The following TRMT5 variants were observed in gnomAD, a reference collection of about 807,000 sequenced individuals.
TRMT5 encodes tRNA (guanine(37)-N(1))-methyltransferase.
In TRMT5, 31 loss-of-function variants were observed where a neutral mutation model predicts 42.2. That is an observed-to-expected ratio of 0.73 (90% CI 0.55 to 0.99). The LOEUF is 0.99. Among genes scored for constraint, TRMT5 ranks in the 50% least tolerant of loss-of-function variants. The pLI, the probability that TRMT5 is intolerant of heterozygous loss-of-function variation, is 0.00. For synonymous variants in TRMT5, 198 were observed against 209.6 expected, an observed-to-expected ratio of 0.94 and a Z score of 0.48; for missense variants, 568 against 595.0, an observed-to-expected ratio of 0.95 and a Z score of 0.47.
chr14:60,978,199 A>G (rs183796342), intron 2 of TRMT5, among the ~76,000 whole-genome samples: 2 of 152,342 alleles, frequency 1.3e-5, no homozygotes, highest in East Asian at 3.9e-4. Flanking sequence ...TTCAGAGCAA[A>G]AAAAGCTACA....
upstream of TRMT5, chr14:60,981,320 T>A (rs746371479): frequency 5.6e-6 from 9 of 1,610,508 alleles, no homozygotes; most frequent in African/African-American, 1.3e-5. Flanking sequence ...GCGGGGCTGG[T>A]ATGTCTCTGT....
At position 60,979,712 on chromosome 14, in the gene TRMT5, T is replaced by C; in HGVS notation, c.186A>G (p.Glu62=). The C allele has an allele frequency of 3.1e-6, 5 of 1,614,156 alleles. No homozygotes were observed. The highest frequency in any genetic ancestry group is 4.2e-6 in the Non-Finnish European group (5 of 1,180,014). ...GQRKRFSTMP[E]TETHERETEL... ...CAGTCTCTCTCTCATGTGTTTCTGT[T>C]TCTGGCATGGTTGAGAATCTTTTTC... is the stretch of plus-strand genomic sequence containing the variant. Residue 62 remains glutamate, a synonymous_variant, in exon 2 of 5, where the codon GAA becomes GAG. Coordinates refer to ENST00000261249, the MANE Select transcript of TRMT5 (RefSeq NM_020810.3).
At position 60,979,844 on chromosome 14, in the gene TRMT5, T is replaced by C. The variant is rs1233050880; in HGVS notation, c.54A>G (p.Lys18=). The change falls in exon 2 of 5, where the codon AAA becomes AAG. Residue 18 remains lysine (K), a synonymous_variant. Transcript: ENST00000261249. ...ATTCAGTTATGCTATGGCTTTCCAG[T>C]TTCAGAAATCTTCCTGAGAATCCAA... ...RPFGFSGRFL[K]LESHSITESK... The C allele has an allele frequency of 6.3e-7, 1 of 1,596,944 alleles. No individual in the cohort carries two copies. Among genetic ancestry groups the C allele is most frequent in the Non-Finnish European group, 8.5e-7 (1 of 1,171,440 alleles).
intron 1 of TRMT5, chr14:60,980,761 C>T (rs1041387415): frequency 9.5e-6 from 7 of 735,060 alleles, no homozygotes; most frequent in African/African-American, 1.8e-5. Flanking sequence ...TACTATAAGT[C>T]TCGGTTTTCC....
At position 60,977,769 on chromosome 14, in the gene TRMT5, G is replaced by A. The variant is rs190301006; in HGVS notation, c.668-131C>T. 17 of 795,032 alleles carry A rather than the reference G, an allele frequency of 2.1e-5. No homozygotes were observed. In the East Asian group the frequency reaches 5.3e-4, roughly 25 times the overall value. 49.2% of individuals were successfully genotyped at this position (795,032 alleles called of 1,614,324 possible). A position where few individuals can be genotyped will look rare whatever the true frequency, so the allele number is the denominator to read the frequency against. ...AGACTGCACCTACTGTGTGTAATGT[G>A]GCATGCAATTTAAAAAATTCAACAG... On this transcript the variant is annotated intron_variant, in intron 2 of 4. Coordinates refer to ENST00000261249, the MANE Select transcript of TRMT5 (RefSeq NM_020810.3).
chr14:60,981,531 C>T, upstream of TRMT5: 1 of 1,531,922 alleles, frequency 6.5e-7, no homozygotes. Flanking sequence ...AGGCAGCCGC[C>T]GAGATTCAGA....
rs2036967377 is a variant in TRMT5, at chr14:60,981,019, C to T, written c.-46G>A. 6.2e-7 allele frequency: 1 copy of T among 1,611,216 alleles called. No individual in the cohort carries two copies. On this transcript the variant is annotated 5_prime_UTR_variant, in exon 1 of 5. Transcript: ENST00000261249. Reference sequence around the variant, plus strand: ...TGCAGCTGGATCCGCGAGCCGACCCCTCACCTCCCGCTCCGGTACCGATCG... The same window carrying T: ...TGCAGCTGGATCCGCGAGCCGACCCTTCACCTCCCGCTCCGGTACCGATCG...
upstream of TRMT5, chr14:60,981,404 C>T (rs200337109): frequency 2.4e-5 from 38 of 1,568,658 alleles, no homozygotes; most frequent in East Asian, 8.5e-4. Flanking sequence ...GTGTTCGCTT[C>T]CCCGCGCTGA....
At position 60,979,727 on chromosome 14, in the gene TRMT5, G is replaced by T. The variant is rs978146113; in HGVS notation, c.171C>A (p.Phe57Leu). The change falls in exon 2 of 5, where the codon TTC (phenylalanine) becomes TTA (leucine). Residue 57 changes from phenylalanine (F) to leucine (L), a missense_variant. Coordinates refer to ENST00000261249, the MANE Select transcript of TRMT5 (RefSeq NM_020810.3). ...GIFLLGQRKR[F>L]STMPETETHE... ...GTGTTTCTGTTTCTGGCATGGTTGA[G>T]AATCTTTTTCTTTGACCCAATAAGA... is the stretch of plus-strand genomic sequence containing the variant. The T allele has an allele frequency of 2.5e-6, 4 of 1,613,912 alleles. No individual in the cohort carries two copies. The African/African-American group carries it at 5.3e-5, about 22-fold the overall frequency.
At position 60,976,368 on chromosome 14, in the gene TRMT5, C is replaced by G. The variant is rs117694879; in HGVS notation, c.793-242G>C. Among the ~76,000 whole-genome samples, 166 of 152,290 alleles carry G rather than the reference C, an allele frequency of 1.1e-3. No homozygotes were observed. In the East Asian group the frequency reaches 0.023, roughly 21 times the overall value. ...TGAGAAAAAGTCATCTCTTTAAAGC[C>G]AAATGGCTCTCCATCTCAATCCTAT... On this transcript the variant is annotated intron_variant, in intron 3 of 4. Coordinates refer to ENST00000261249, the MANE Select transcript of TRMT5 (RefSeq NM_020810.3).
chr14:60,977,487 A>C (rs772782510), intron 3 of TRMT5, 27 bp downstream of exon 3: 2 of 1,584,284 alleles, frequency 1.3e-6, no homozygotes, highest in Admixed American at 3.7e-5. Flanking sequence ...ATTGATATAC[A>C]CCTTACTTGG....
rs1269508643 is a variant in TRMT5, at chr14:60,977,692, C to G, written c.668-54G>C. The G allele has an allele frequency of 2.0e-6, 3 of 1,496,964 alleles. No individual in the cohort carries two copies. The African/African-American group carries it at 4.2e-5, about 21-fold the overall frequency. The allele number at this position is 1,496,964 out of a possible 1,614,324, so 92.7% of individuals were successfully genotyped here. On this transcript the variant is annotated intron_variant, in intron 2 of 4. Transcript: ENST00000261249. Reference sequence around the variant, plus strand: ...CTGCCTATTGGTTGCAAAATAAAAGCTAACATTGTTAATATGAAACAGAAA... The same window carrying G: ...CTGCCTATTGGTTGCAAAATAAAAGGTAACATTGTTAATATGAAACAGAAA...
At chr14:60,978,677 T>C (rs2036878337) in intron 2 of TRMT5, among the ~76,000 whole-genome samples, 1 of 152,172 alleles carries the variant, frequency 6.6e-6, no homozygotes, top group South Asian at 2.1e-4. Flanking sequence ...CAGGAAAGCC[T>C]AGACTTGACA....
At chr14:60,978,243 A>G (rs896051136) in intron 2 of TRMT5, among the ~76,000 whole-genome samples, 4 of 152,168 alleles carry the variant, frequency 2.6e-5, no homozygotes, top group African/African-American at 9.7e-5. Flanking sequence ...TGATGAATCT[A>G]TTTTTTTAGT....
rs970933245 is a variant in TRMT5, at chr14:60,973,955, T to G, written c.*1154A>C. On this transcript the variant is annotated 3_prime_UTR_variant, in exon 5 of 5. Coordinates refer to ENST00000261249, the MANE Select transcript of TRMT5 (RefSeq NM_020810.3). ...GTTATTTCCATTTTAAATTTTCTAA[T>G]TTTTCTAACAGTTGCTTGCCTGTGA... The G allele has an allele frequency of 6.6e-6, 1 of 152,252 alleles. No individual in the cohort carries two copies. The highest frequency in any genetic ancestry group is 1.5e-5 in the Non-Finnish European group (1 of 68,046). The allele number at this position is 152,252 out of a possible 1,614,324, so 9.4% of individuals were successfully genotyped here.
chr14:60,977,583 ATTTAT>A lies in TRMT5; in HGVS notation c.718_722del (p.Ile240Ter). 6.2e-7 allele frequency: 1 copy of A among 1,610,852 alleles called. No individual in the cohort carries two copies. Among genetic ancestry groups the A allele is most frequent in the Non-Finnish European group, 8.5e-7 (1 of 1,178,140 alleles). On this transcript the variant is annotated frameshift_variant, in exon 3 of 5. Transcript: ENST00000261249. LOFTEE classifies it high-confidence loss of function. ...AATTTCGGTACATATTGTCAATATT[ATTTAT>A]TTTATTTACTGCTGAGGTGATTCCT...
Position 60,979,660 on chromosome 14 carries a change from G to C in TRMT5, c.238C>G (p.Arg80Gly), listed in dbSNP as rs1205039911. The change falls in exon 2 of 5, where the codon CGA becomes GGA. Residue 80 changes from arginine (R) to glycine (G), a missense_variant. By Grantham distance (125) the Arg-to-Gly change is moderately radical. Transcript: ENST00000261249. ...GTTCTATCAAGTTTTGTCATGCCTC[G>C]GACATCAGAAGGTGGTGAAAACAAT... ...TELFSPPSDV[R>G]GMTKLDRTAF... 6.2e-7 allele frequency: 1 copy of C among 1,613,952 alleles called. No homozygotes were observed. The highest frequency in any genetic ancestry group is 8.5e-7 in the Non-Finnish European group (1 of 1,180,006).
At position 60,973,739 on chromosome 14, in the gene TRMT5, C is replaced by A. The variant is rs945909847; in HGVS notation, c.*1370G>T. 2 of 152,228 alleles carry A rather than the reference C, an allele frequency of 1.3e-5. No individual in the cohort carries two copies. Among genetic ancestry groups the A allele is most frequent in the Admixed American group, 1.3e-4 (2 of 15,292 alleles). 9.4% of individuals were successfully genotyped at this position (152,228 alleles called of 1,614,324 possible). ...TTTATGTCGCTTTCAATGTCCTTAA[C>A]TCTTTAAGCAACTGTTCTTGCCAAA... On this transcript the variant is annotated 3_prime_UTR_variant, in exon 5 of 5. Transcript: ENST00000261249.
At chr14:60,981,611 G>A, upstream of TRMT5, 1 of 1,481,132 alleles carries the variant, frequency 6.8e-7, no homozygotes, top group Non-Finnish European at 9.0e-7. Flanking sequence ...AAAAGCGTCG[G>A]GTGGAAGAGA....
Sources: allele counts gnomAD v4.1 joint callset (sites outside exome capture counted in the v4.1 genomes callset), GRCh38; gene constraint gnomAD v4.1.1; transcripts MANE v1.5; gene names NCBI Gene and HGNC (gene_info 2026-07-23, HGNC 2026-07-21).